Variants in PTPRN2 observed in about 807,000 individuals in gnomAD.
PTPRN2 encodes protein tyrosine phosphatase receptor type N2, also known as receptor-type tyrosine-protein phosphatase N2.
PTPRN2 carries 74 observed loss-of-function variants against 118.8 expected under a neutral mutation model. That is an observed-to-expected ratio of 0.62 (90% confidence interval 0.52 to 0.76). The LOEUF (loss-of-function observed/expected upper bound fraction) is 0.76, where lower values mean the gene tolerates loss of function less well. PTPRN2 is among the 30% of genes least tolerant of loss of function. PTPRN2 has a pLI of 0.00. For synonymous variants in PTPRN2, 641 were observed against 608.0 expected, an observed-to-expected ratio of 1.05 and a Z score of -0.80; for missense variants, 1,481 against 1,394.4, an observed-to-expected ratio of 1.06 and a Z score of -0.99.
intron 2 of PTPRN2, among the ~76,000 whole-genome samples, chr7:158,445,581 C>T (rs890309372): frequency 1.3e-5 from 2 of 152,260 alleles, no homozygotes; most frequent in Admixed American, 6.5e-5. Flanking sequence ...ACCCACCCCT[C>T]GCCTCTGCCC....
At chr7:157,815,853 C>T (rs1024944096) in intron 12 of PTPRN2, among the ~76,000 whole-genome samples, 14 of 152,330 alleles carry the variant, frequency 9.2e-5, no homozygotes, top group African/African-American at 2.4e-4. Context: ...ACTCTGCACA[C>T]GCTCAGGCGG....
rs555868320 is a variant in PTPRN2 at position 158,447,729 on chromosome 7, C to T, written c.163+42006G>A. Among the ~76,000 whole-genome samples, 81 of 152,360 alleles carry T rather than the reference C, an allele frequency of 5.3e-4. No homozygotes were observed. The South Asian group carries it at 0.015, about 28-fold the overall frequency. On this transcript the variant is annotated intron_variant, in intron 2 of 22. Transcript: ENST00000389418. ...GGGCTGCGTCAAGCTGTTAGCCAAG[C>T]GGGCAGTGAAGACGAAGGCTGCCCC... is the stretch of plus-strand genomic sequence containing the variant.
At chr7:157,943,333 C>CT (rs1800264345) in intron 11 of PTPRN2, among the ~76,000 whole-genome samples, 4 of 152,158 alleles carry the variant, frequency 2.6e-5, no homozygotes, top group Non-Finnish European at 5.9e-5. Flanking sequence ...CCCATGCCCC[C>CT]TCCCATGCCC....
At chr7:157,913,764 C>T (rs1340641731) in intron 11 of PTPRN2, among the ~76,000 whole-genome samples, 2 of 151,970 alleles carry the variant, frequency 1.3e-5, no homozygotes, top group Non-Finnish European at 2.9e-5. Flanking sequence ...GCTTTTACAC[C>T]TATGTTTTTG....
At chr7:158,488,247 C>T (rs1188436157) in intron 2 of PTPRN2, among the ~76,000 whole-genome samples, 2 of 152,156 alleles carry the variant, frequency 1.3e-5, no homozygotes, top group Non-Finnish European at 2.9e-5. Flanking sequence ...TAAAGCTGCA[C>T]GGAGTAGATG....
chr7:157,765,808 C>T (rs1040956168), intron 12 of PTPRN2, among the ~76,000 whole-genome samples: 1 of 150,672 alleles, frequency 6.6e-6, no homozygotes, highest in Non-Finnish European at 1.5e-5. Flanking sequence ...TCCATTCACT[C>T]ACCCATCCAT....
intron 12 of PTPRN2, among the ~76,000 whole-genome samples, chr7:157,765,394 C>T (rs546915099): frequency 9.9e-5 from 15 of 151,332 alleles, no homozygotes; most frequent in African/African-American, 3.4e-4. Flanking sequence ...ATCTATCCAC[C>T]ATCCCTCATC....
Position 157,813,778 on chromosome 7 carries a change from G to A in PTPRN2, c.1788+84895C>T, listed in dbSNP as rs760398806. ...CTACACAGCACGCATTCCTTACCCC[G>A]GTGGTTTTCATCTGGACCCTGAGTC... On this transcript the variant is annotated intron_variant, in intron 12 of 22. Coordinates refer to ENST00000389418, the MANE Select transcript of PTPRN2 (RefSeq NM_002847.5). This position sits in a 1 kb window ranked among gnomAD's most constrained non-coding sequence, Gnocchi z 4.7. Among the ~76,000 whole-genome samples the A allele has an allele frequency of 6.6e-5, 10 of 152,188 alleles. No individual in the cohort carries two copies. Among genetic ancestry groups the A allele is most frequent in the Non-Finnish European group, 1.0e-4 (7 of 68,044 alleles).
chr7:158,439,652 A>G (rs1816839233), intron 2 of PTPRN2, among the ~76,000 whole-genome samples: 1 of 152,260 alleles, frequency 6.6e-6, no homozygotes, highest in Admixed American at 6.5e-5. Flanking sequence ...TTTAAATATC[A>G]AGTCATGATG....
intron 11 of PTPRN2, among the ~76,000 whole-genome samples, chr7:157,927,856 C>T (rs567599191): frequency 7.2e-5 from 11 of 152,060 alleles, no homozygotes; most frequent in Middle Eastern, 3.2e-3. Context: ...CGAGTTCTTA[C>T]GCACACCCTT....
chr7:158,417,689 C>T (rs1285233352), intron 2 of PTPRN2, among the ~76,000 whole-genome samples: 6 of 139,394 alleles, frequency 4.3e-5, no homozygotes, highest in South Asian at 2.5e-4. Flanking sequence ...TCACGGTGTA[C>T]TACATCGAGA....
intron 3 of PTPRN2, among the ~76,000 whole-genome samples, chr7:158,264,659 C>T (rs1016756332): frequency 3.3e-5 from 5 of 152,174 alleles, no homozygotes; most frequent in Admixed American, 1.3e-4. Flanking sequence ...AGGTCCCTTG[C>T]GGGGACCAAA....
intron 3 of PTPRN2, among the ~76,000 whole-genome samples, chr7:158,216,577 A>G (rs1244632488): frequency 6.6e-6 from 1 of 152,138 alleles, no homozygotes; most frequent in Admixed American, 6.6e-5. Flanking sequence ...TTAATATCAG[A>G]TAAGTTAACA....
chr7:157,917,158 G>A (rs1049715391), intron 11 of PTPRN2, among the ~76,000 whole-genome samples: 17 of 152,216 alleles, frequency 1.1e-4, no homozygotes, highest in South Asian at 4.1e-4. Context: ...GGCTGGCCAC[G>A]CACCCCGGCC....
intron 12 of PTPRN2, among the ~76,000 whole-genome samples, chr7:157,814,461 G>A (rs1038575698): frequency 1.3e-5 from 2 of 151,574 alleles, no homozygotes; most frequent in Non-Finnish European, 2.9e-5. Context: ...GGAACAGGAG[G>A]GGACAGGAGG....
intron 3 of PTPRN2, among the ~76,000 whole-genome samples, chr7:158,244,616 T>C (rs1305355624): frequency 6.6e-6 from 1 of 151,814 alleles, no homozygotes; most frequent in Non-Finnish European, 1.5e-5. Context: ...GTACAAGCTA[T>C]GTATGTGTTT....
chr7:158,213,715 T>A (rs1434691373), intron 3 of PTPRN2, among the ~76,000 whole-genome samples: 1 of 152,204 alleles, frequency 6.6e-6, no homozygotes, highest in Admixed American at 6.5e-5. Flanking sequence ...TGAAAGCACA[T>A]TTGCAATGTT....
In PTPRN2 at chr7:158,544,996, G is replaced by A. The variant is rs900752389; in HGVS notation, c.112+42562C>T. Among the ~76,000 whole-genome samples the A allele has an allele frequency of 6.6e-6, 1 of 152,188 alleles. No homozygotes were observed. The highest frequency in any genetic ancestry group is 1.5e-5 in the Non-Finnish European group (1 of 68,044). On this transcript the variant is annotated intron_variant, in intron 1 of 22. Transcript: ENST00000389418. The surrounding 1 kb of genome is among the most constrained non-coding windows in gnomAD (Gnocchi z 4.2). The stretch of plus-strand genomic sequence containing the variant: ...CTGCCCAGAAATGGGAAGGTGATCT[G>A]CATCCTCCCAGGCCCCCTCTGGAAG...
chr7:158,411,659 C>G lies in PTPRN2; in HGVS notation c.163+78076G>C, dbSNP rs142369494. Among the ~76,000 whole-genome samples the G allele has an allele frequency of 4.4e-3, 677 of 152,340 alleles. 4 individuals carry two copies. The highest frequency in any genetic ancestry group is 0.016 in the African/African-American group (650 of 41,574). ...AGCACTCAACTTCAAGTTGGGAAAC[C>G]TGGGTACCAAGCAGCCAACCAACGC... On this transcript the variant is annotated intron_variant, in intron 2 of 22. Transcript: ENST00000389418.
Sources: allele counts gnomAD v4.1 joint callset (sites outside exome capture counted in the v4.1 genomes callset), GRCh38; gene constraint gnomAD v4.1.1; non-coding constraint Gnocchi (gnomAD v3.1); transcripts MANE v1.5; gene names NCBI Gene and HGNC (gene_info 2026-07-23, HGNC 2026-07-21).